Variants in PKP4 observed in about 807,000 individuals in gnomAD.
PKP4 encodes plakophilin 4, also known as plakophilin-4.
Under a neutral mutation model 145.1 loss-of-function variants are expected in PKP4, and 90 were observed. That is an observed-to-expected ratio of 0.62 (90% CI 0.52 to 0.74). The LOEUF (loss-of-function observed/expected upper bound fraction) is 0.74, where lower values mean the gene tolerates loss of function less well. Among genes scored for constraint, PKP4 ranks in the 30% least tolerant of loss-of-function variants. The pLI, the probability that PKP4 is intolerant of heterozygous loss-of-function variation, is 0.00. For missense variants in PKP4, 1,340 were observed against 1,482.7 expected, an observed-to-expected ratio of 0.90 and a Z score of 1.58; for synonymous variants, 563 against 577.2, an observed-to-expected ratio of 0.98 and a Z score of 0.35.
chr2:158,620,952 G>T (rs757406534), intron 4 of PKP4, 38 bp from the exon 5 acceptor site: 2 of 1,584,080 alleles, frequency 1.3e-6, no homozygotes, highest in East Asian at 2.2e-5. Flanking sequence ...TTTATGTAAT[G>T]TTATTATATT....
Position 158,624,925 on chromosome 2 carries a change from T to C in PKP4, c.651T>C (p.Ser217=). The change falls in exon 7 of 22, where the codon TCT becomes TCC. Residue 217 remains serine, a synonymous_variant. Coordinates refer to ENST00000389759, the MANE Select transcript of PKP4 (RefSeq NM_003628.6). ...TGAGAAGAGTTAGTTCAGTTCCATC[T>C]AGAGCACAGTCTCCTTCTTATGTTA... ...RAMRRVSSVP[S]RAQSPSYVIS... 2.5e-6 allele frequency: 4 copies of C among 1,613,500 alleles called. No individual in the cohort carries two copies. The highest frequency in any genetic ancestry group is 3.4e-6 in the Non-Finnish European group (4 of 1,179,604).
chr2:158,635,175 G>A (rs980166120), intron 9 of PKP4, among the ~76,000 whole-genome samples: 4 of 152,208 alleles, frequency 2.6e-5, no homozygotes, highest in East Asian at 1.9e-4. Flanking sequence ...TTGTTTTAAT[G>A]AATGTGAATT....
At chr2:158,462,264 G>A (rs1370186487) in intron 1 of PKP4, among the ~76,000 whole-genome samples, 1 of 151,864 alleles carries the variant, frequency 6.6e-6, no homozygotes, top group Non-Finnish European at 1.5e-5. Context: ...ACCATTTAAT[G>A]TTTGGATGAT....
intron 1 of PKP4, among the ~76,000 whole-genome samples, chr2:158,471,238 A>T (rs1408691150): frequency 6.6e-6 from 1 of 152,222 alleles, no homozygotes; most frequent in African/African-American, 2.4e-5. Flanking sequence ...AATTAAAAGA[A>T]ATCAGGGAGT....
intron 11 of PKP4, among the ~76,000 whole-genome samples, chr2:158,652,025 C>A (rs1441788194): frequency 6.6e-6 from 1 of 152,158 alleles, no homozygotes; most frequent in Non-Finnish European, 1.5e-5. Flanking sequence ...GCAAGCATCT[C>A]TGCCAGCGCT....
intron 1 of PKP4, among the ~76,000 whole-genome samples, chr2:158,513,781 G>A (rs1008317791): frequency 6.6e-6 from 1 of 152,066 alleles, no homozygotes; most frequent in African/African-American, 2.4e-5. Flanking sequence ...GTCTTTATTT[G>A]CACTTACTAT....
intron 4 of PKP4, among the ~76,000 whole-genome samples, chr2:158,617,312 CAT>C (rs1376055016): frequency 1.3e-5 from 2 of 151,970 alleles, no homozygotes; most frequent in African/African-American, 4.8e-5. Flanking sequence ...TCCCAGAAAA[CAT>C]GTTTGTGAAT....
intron 3 of PKP4, among the ~76,000 whole-genome samples, chr2:158,589,975 A>G (rs1406023534): frequency 6.6e-6 from 1 of 152,170 alleles, no homozygotes; most frequent in Non-Finnish European, 1.5e-5. Context: ...TGTACATGGC[A>G]TGTCTGCCTA....
chr2:158,618,886 G>A (rs1202064451), intron 4 of PKP4, among the ~76,000 whole-genome samples: 2 of 152,044 alleles, frequency 1.3e-5, no homozygotes, highest in Admixed American at 1.3e-4. Flanking sequence ...TAATATATTG[G>A]TGTCCTAGAT....
chr2:158,624,535 A>T (rs1324607616), intron 6 of PKP4, among the ~76,000 whole-genome samples: 1 of 152,234 alleles, frequency 6.6e-6, no homozygotes, highest in Non-Finnish European at 1.5e-5. Flanking sequence ...CATGAATTAC[A>T]TGTAACACTT....
chr2:158,661,368 A>G lies in PKP4; in HGVS notation c.2129A>G (p.Gln710Arg), dbSNP rs879077946. ...TCCGCGGGGGAAGAAGCTCGGAAGC[A>G]AATGCGGTCCTGCGAGGGGCTGGTA... The part of the protein sequence containing the change: ...LSSAGEEARK[Q>R]MRSCEGLVDS... Residue 710 changes from glutamine (Q) to arginine (R), a missense_variant, in exon 13 of 22, where the codon CAA (glutamine) becomes CGA (arginine). Gln to Arg is a conservative substitution (Grantham distance 43). Transcript: ENST00000389759. 1.9e-6 allele frequency: 3 copies of G among 1,613,776 alleles called. No individual in the cohort carries two copies. In the African/African-American group the frequency reaches 4.0e-5, roughly 22 times the overall value.
chr2:158,641,642 A>G (rs1488009576), intron 10 of PKP4, among the ~76,000 whole-genome samples: 3 of 152,240 alleles, frequency 2.0e-5, no homozygotes, highest in Non-Finnish European at 1.5e-5. Context: ...TTTAATGTGC[A>G]TAACAGTATA....
At chr2:158,500,699 G>C (rs977923510) in intron 1 of PKP4, among the ~76,000 whole-genome samples, 1 of 152,218 alleles carries the variant, frequency 6.6e-6, no homozygotes, top group Non-Finnish European at 1.5e-5. Flanking sequence ...CAGCTATGGA[G>C]CTACCTTTGC....
At position 158,539,470 on chromosome 2, in the gene PKP4, C is replaced by T. The variant is rs527370698; in HGVS notation, c.132+6154C>T. 1.9e-4 allele frequency among the ~76,000 whole-genome samples: 29 copies of T among 152,294 alleles called. No individual in the cohort carries two copies. The South Asian group carries it at 2.9e-3, about 15-fold the overall frequency. Reference sequence around the variant, plus strand: ...AATAGTCCTCTCTGACACACCTCAGCCACATGCAGAAGAGAGAATTTTTAT... The same window carrying T: ...AATAGTCCTCTCTGACACACCTCAGTCACATGCAGAAGAGAGAATTTTTAT... On this transcript the variant is annotated intron_variant, in intron 2 of 21. Coordinates refer to ENST00000389759, the MANE Select transcript of PKP4 (RefSeq NM_003628.6).
intron 6 of PKP4, among the ~76,000 whole-genome samples, chr2:158,623,004 A>G (rs982488448): frequency 1.3e-5 from 2 of 152,204 alleles, no homozygotes; most frequent in South Asian, 2.1e-4. Context: ...ACTAGAGCTA[A>G]AGAATTGTTT....
At chr2:158,676,466 C>A (rs2058020495) in intron 19 of PKP4, among the ~76,000 whole-genome samples, 1 of 152,230 alleles carries the variant, frequency 6.6e-6, no homozygotes, top group South Asian at 2.1e-4. Context: ...TACACTGTGC[C>A]TCTTTAGCCG....
intron 8 of PKP4, among the ~76,000 whole-genome samples, chr2:158,633,506 A>G (rs2053563054): frequency 6.6e-6 from 1 of 152,228 alleles, no homozygotes. Flanking sequence ...TCATCATGTT[A>G]CTCAGAATGG....
At chr2:158,510,390 G>T (rs1178253319) in intron 1 of PKP4, among the ~76,000 whole-genome samples, 1 of 152,170 alleles carries the variant, frequency 6.6e-6, no homozygotes, top group Non-Finnish European at 1.5e-5. Context: ...AGGGATCTTG[G>T]TCTTATTAAA....
At chr2:158,670,268 G>T (rs2057443684) in intron 17 of PKP4, among the ~76,000 whole-genome samples, 1 of 152,188 alleles carries the variant, frequency 6.6e-6, no homozygotes, top group African/African-American at 2.4e-5. Flanking sequence ...TCCAAGATCA[G>T]GGCACCAACA....
Sources: allele counts gnomAD v4.1 joint callset (sites outside exome capture counted in the v4.1 genomes callset), GRCh38; gene constraint gnomAD v4.1.1; transcripts MANE v1.5; gene names NCBI Gene and HGNC (gene_info 2026-07-23, HGNC 2026-07-21).